Variants in CNNM4 observed in about 807,000 individuals in gnomAD.
CNNM4 encodes the protein cyclin and CBS domain divalent metal cation transport mediator 4.
CNNM4 carries 32 observed loss-of-function variants against 53.7 expected under a neutral mutation model. The ratio of observed to expected loss-of-function variants is 0.60; its 90% CI spans 0.45 to 0.80. The LOEUF (loss-of-function observed/expected upper bound fraction) is 0.80. Ranked by LOEUF, CNNM4 falls within the 30% of genes least tolerant of loss-of-function variation. CNNM4 has a pLI of 0.00. For missense variants in CNNM4, 784 were observed against 1,022.0 expected, an observed-to-expected ratio of 0.77 and a Z score of 3.17; for synonymous variants, 410 against 440.0, an observed-to-expected ratio of 0.93 and a Z score of 0.85.
At position 96,761,386 on chromosome 2, in the gene CNNM4, C is replaced by G. The variant is rs766867656; in HGVS notation, c.387C>G (p.Ser129=). The G allele has an allele frequency of 3.1e-6, 5 of 1,614,104 alleles. No individual in the cohort carries two copies. Among genetic ancestry groups the G allele is most frequent in the Non-Finnish European group, 4.2e-6 (5 of 1,180,038 alleles). ...TCAACGTGAGCCGCGGGAACACGTCCGGCGTGCTGGTGGTGCTCACCAAGT... is the reference window on the plus strand; with the variant it reads ...TCAACGTGAGCCGCGGGAACACGTCGGGCGTGCTGGTGGTGCTCACCAAGT... ...QLVNVSRGNT[S]GVLVVLTKFL... Residue 129 remains serine, a synonymous_variant, in exon 1 of 7, where the codon TCC becomes TCG. Transcript: ENST00000377075. The surrounding 1 kb of genome is among the most constrained non-coding windows in gnomAD (Gnocchi z 6.0).
Position 96,809,805 on chromosome 2 carries a change from A to G in CNNM4, c.*288A>G. ...AAGTAGGCTCATCACTTTTTTTTAA[A>G]TATCATTTTGGGAAGGGAAGACAGG... On this transcript the variant is annotated 3_prime_UTR_variant, in exon 7 of 7. Transcript: ENST00000377075. The G allele has an allele frequency of 2.9e-6, 1 of 343,966 alleles. No homozygotes were observed. 21.3% of individuals were successfully genotyped at this position (343,966 alleles called of 1,614,324 possible).
chr2:96,799,290 C>T (rs1415645664), intron 4 of CNNM4, 64 bp downstream of exon 4: 2 of 1,591,058 alleles, frequency 1.3e-6, no homozygotes, highest in African/African-American at 1.3e-5. Flanking sequence ...CCCCCAGGCC[C>T]TCTCTCCCAC....
chr2:96,784,793 A>T (rs116052159), intron 1 of CNNM4, among the ~76,000 whole-genome samples: 87 of 152,344 alleles, frequency 5.7e-4, no homozygotes, highest in African/African-American at 1.9e-3. Flanking sequence ...TCTCCTGGGA[A>T]CATGGTCACC....
rs1482320689 is a variant in CNNM4 at position 96,797,722 on chromosome 2, TC to T, written c.1681+81del. ...AGAAGTCCTGGGTTTCCGGCTGCTT[TC>T]CCCCCATAGGACGAGGGCTGCAGCA... On this transcript the variant is annotated intron_variant, in intron 3 of 6. Transcript: ENST00000377075. This position sits in a 1 kb window ranked among gnomAD's most constrained non-coding sequence, Gnocchi z 6.0. 2.1e-5 allele frequency: 33 copies of T among 1,589,360 alleles called. No individual in the cohort carries two copies. The highest frequency in any genetic ancestry group is 5.2e-5 in the Admixed American group (3 of 58,186).
intron 1 of CNNM4, among the ~76,000 whole-genome samples, chr2:96,777,335 G>C (rs574932753): frequency 1.2e-4 from 18 of 151,956 alleles, no homozygotes; most frequent in Non-Finnish European, 2.2e-4. Flanking sequence ...CTGTTTTCTA[G>C]GAGGTTTGCC....
At position 96,808,029 on chromosome 2, in the gene CNNM4, C is replaced by T. The variant is rs542530471; in HGVS notation, c.1949-532C>T. 4.6e-5 allele frequency among the ~76,000 whole-genome samples: 7 copies of T among 152,174 alleles called. No homozygotes were observed. The East Asian group carries it at 1.4e-3, about 30-fold the overall frequency. The stretch of plus-strand genomic sequence containing the variant: ...TCAGCCTCCCAAGTAGCCGGGATTA[C>T]AGGTGTTTGCCACCATGCCTGGCTA... On this transcript the variant is annotated intron_variant, in intron 5 of 6. Transcript: ENST00000377075. The surrounding 1 kb of genome is among the most constrained non-coding windows in gnomAD (Gnocchi z 4.9).
At chr2:96,763,238 C>G (rs2078782195) in intron 1 of CNNM4, among the ~76,000 whole-genome samples, 1 of 152,092 alleles carries the variant, frequency 6.6e-6, no homozygotes, top group South Asian at 2.1e-4. Flanking sequence ...TTTTTTCTCA[C>G]CTGGGTTCTT....
At position 96,797,509 on chromosome 2, in the gene CNNM4, G is replaced by T; in HGVS notation, c.1547-4G>T. 1 of 1,613,924 alleles carries T rather than the reference G, an allele frequency of 6.2e-7. No individual in the cohort carries two copies. ...TTCTCAATTCCACGCTCTTCTTCCGGCAGCTGACAACCGAAGCCGGAAGCG... is the reference window on the plus strand; with the variant it reads ...TTCTCAATTCCACGCTCTTCTTCCGTCAGCTGACAACCGAAGCCGGAAGCG... On this transcript the variant is annotated splice_polypyrimidine_tract_variant and splice_region_variant and intron_variant, in intron 2 of 6. Coordinates refer to ENST00000377075, the MANE Select transcript of CNNM4 (RefSeq NM_020184.4). This position sits in a 1 kb window ranked among gnomAD's most constrained non-coding sequence, Gnocchi z 6.0.
chr2:96,786,061 T>C (rs960185862), intron 1 of CNNM4, among the ~76,000 whole-genome samples: 4 of 151,712 alleles, frequency 2.6e-5, no homozygotes, highest in African/African-American at 7.3e-5. Context: ...CACTCCAGCC[T>C]GGGCAACAGA....
At position 96,797,283 on chromosome 2, in the gene CNNM4, G is replaced by T; in HGVS notation, c.1546+128G>T. On this transcript the variant is annotated intron_variant, in intron 2 of 6. Coordinates refer to ENST00000377075, the MANE Select transcript of CNNM4 (RefSeq NM_020184.4). The surrounding 1 kb of genome is among the most constrained non-coding windows in gnomAD (Gnocchi z 6.0). ...GCATCCAGAGGCCCAGTGGCTGGGT[G>T]CCCTGCACTGGCCGGGGTGAGCAGG... is the stretch of plus-strand genomic sequence containing the variant. 1 of 1,407,784 alleles carries T rather than the reference G, an allele frequency of 7.1e-7. No individual in the cohort carries two copies. The highest frequency in any genetic ancestry group is 1.2e-5 in the South Asian group (1 of 85,054). 87.2% of individuals were successfully genotyped at this position (1,407,784 alleles called of 1,614,324 possible).
intron 1 of CNNM4, among the ~76,000 whole-genome samples, chr2:96,764,174 G>C (rs1382223026): frequency 6.6e-6 from 1 of 152,198 alleles, no homozygotes; most frequent in Non-Finnish European, 1.5e-5. Context: ...GGTCTGACCA[G>C]TCTCCCAGTC....
chr2:96,777,267 C>A (rs1408211113), intron 1 of CNNM4, among the ~76,000 whole-genome samples: 1 of 152,100 alleles, frequency 6.6e-6, no homozygotes, highest in African/African-American at 2.4e-5. Flanking sequence ...GATCTGCCCG[C>A]CTCGGCCTCC....
In CNNM4 at chr2:96,797,305, C is replaced by A; in HGVS notation, c.1546+150C>A. On this transcript the variant is annotated intron_variant, in intron 2 of 6. Transcript: ENST00000377075. This position sits in a 1 kb window ranked among gnomAD's most constrained non-coding sequence, Gnocchi z 6.0. ...GGTGCCCTGCACTGGCCGGGGTGAG[C>A]AGGGAGCAGGTTGCTGAGAGCAGTG... is the stretch of plus-strand genomic sequence containing the variant. The A allele has an allele frequency of 7.4e-7, 1 of 1,351,988 alleles. No individual in the cohort carries two copies. The highest frequency in any genetic ancestry group is 1.2e-5 in the South Asian group (1 of 83,694). 83.7% of individuals were successfully genotyped at this position (1,351,988 alleles called of 1,614,324 possible).
At chr2:96,769,076 C>G (rs948933550) in intron 1 of CNNM4, among the ~76,000 whole-genome samples, 1 of 151,938 alleles carries the variant, frequency 6.6e-6, no homozygotes, top group Admixed American at 6.6e-5. Flanking sequence ...ACGGTAAAAC[C>G]CTGTCTCTAC....
chr2:96,789,293 G>A (rs1486546614), intron 1 of CNNM4, among the ~76,000 whole-genome samples: 1 of 152,180 alleles, frequency 6.6e-6, no homozygotes, highest in African/African-American at 2.4e-5. Context: ...TTGAGCCCAG[G>A]GCAGAAGGAT....
intron 1 of CNNM4, among the ~76,000 whole-genome samples, chr2:96,783,487 T>C (rs1437490483): frequency 6.6e-6 from 1 of 152,180 alleles, no homozygotes. Flanking sequence ...CTCCACTTCA[T>C]GTTCTTTTTC....
Position 96,801,656 on chromosome 2 carries a change from C to CCA in CNNM4, c.1948+2025_1948+2026dup, listed in dbSNP as rs141454994. ...GAGAGACCACACACATGCAGAGAGA[C>CCA]CACACACACACACACACAGAGACCA... On this transcript the variant is annotated intron_variant, in intron 5 of 6. Coordinates refer to ENST00000377075, the MANE Select transcript of CNNM4 (RefSeq NM_020184.4). The surrounding 1 kb of genome is among the most constrained non-coding windows in gnomAD (Gnocchi z 5.6). Among the ~76,000 whole-genome samples, 937 of 142,036 alleles carry CCA rather than the reference C, an allele frequency of 6.6e-3. 5 individuals carry two copies. The highest frequency in any genetic ancestry group is 0.023 in the East Asian group (110 of 4,832). The allele number at this position is 142,036 out of a possible 152,430, so 93.2% of individuals were successfully genotyped here.
At position 96,786,847 on chromosome 2, in the gene CNNM4, A is replaced by G. The variant is rs201431160; in HGVS notation, c.1403-10165A>G. On this transcript the variant is annotated intron_variant, in intron 1 of 6. Transcript: ENST00000377075. ...ATCCAAAATGTGGATATTTTGGTGT[A>G]TTTTCTTCTACCAAGTCAGCAACAA... is the stretch of plus-strand genomic sequence containing the variant. Among the ~76,000 whole-genome samples, 7 of 150,234 alleles carry G rather than the reference A, an allele frequency of 4.7e-5. No homozygotes were observed. The East Asian group carries it at 1.2e-3, about 25-fold the overall frequency.
chr2:96,765,050 T>G (rs2078803278), intron 1 of CNNM4, among the ~76,000 whole-genome samples: 1 of 128,738 alleles, frequency 7.8e-6, no homozygotes, highest in African/African-American at 3.1e-5. Flanking sequence ...TTTTTTTTTT[T>G]TTTTTTTTTT....
Sources: allele counts gnomAD v4.1 joint callset (sites outside exome capture counted in the v4.1 genomes callset), GRCh38; gene constraint gnomAD v4.1.1; non-coding constraint Gnocchi (gnomAD v3.1); transcripts MANE v1.5; gene names NCBI Gene and HGNC (gene_info 2026-07-23, HGNC 2026-07-21).